ABHD17C: variants seen among roughly 807,000 people sequenced by gnomAD.
The protein encoded by ABHD17C is abhydrolase domain containing 17C, depalmitoylase.
ABHD17C carries 11 observed loss-of-function variants against 27.9 expected under a neutral mutation model. That is an observed-to-expected ratio of 0.39 (90% CI 0.25 to 0.65). The LOEUF (loss-of-function observed/expected upper bound fraction) is 0.65. ABHD17C is among the 30% of genes least tolerant of loss of function. ABHD17C has a pLI of 0.45. For missense variants in ABHD17C, 280 were observed against 470.2 expected, an observed-to-expected ratio of 0.60 and a Z score of 3.74; for synonymous variants, 233 against 209.1, an observed-to-expected ratio of 1.11 and a Z score of -0.98.
chr15:80,712,822 G>A (rs918235329), intron 1 of ABHD17C, among the ~76,000 whole-genome samples: 2 of 152,152 alleles, frequency 1.3e-5, no homozygotes, highest in African/African-American at 4.8e-5. Flanking sequence ...TAGTTTTACT[G>A]ACTGCCTATC....
Position 80,695,928 on chromosome 15 carries a change from G to T in ABHD17C, c.499G>T (p.Asp167Tyr). Residue 167 changes from aspartate (D) to tyrosine (Y), a missense_variant, in exon 1 of 3, where the codon GAC (aspartate) becomes TAC (tyrosine). Around this residue, in one of 2 missense-constraint regions of ABHD17C, gnomAD observed 206 missense variants for 394.7 expected, o/e 0.52. Coordinates refer to ENST00000258884, the MANE Select transcript of ABHD17C (RefSeq NM_021214.2). This position sits in a 1 kb window ranked among gnomAD's most constrained non-coding sequence, Gnocchi z 4.3. ...SRINCNIFSY[D>Y]YSGYGVSSGK... ...CATCAACTGCAACATCTTCTCCTACGACTACTCGGGATACGGCGTCAGCTC... is the reference window on the plus strand; with the variant it reads ...CATCAACTGCAACATCTTCTCCTACTACTACTCGGGATACGGCGTCAGCTC... 1.3e-6 allele frequency: 2 copies of T among 1,596,948 alleles called. No individual in the cohort carries two copies. The highest frequency in any genetic ancestry group is 1.7e-6 in the Non-Finnish European group (2 of 1,179,110).
chr15:80,728,250 CTGTA>C (rs1390274194), intron 1 of ABHD17C, among the ~76,000 whole-genome samples: 1 of 152,322 alleles, frequency 6.6e-6, no homozygotes, highest in African/African-American at 2.4e-5. Context: ...AGGAGAGTGA[CTGTA>C]TGAACACGTG....
chr15:80,718,672 A>G (rs557886445), intron 1 of ABHD17C, among the ~76,000 whole-genome samples: 242 of 152,256 alleles, frequency 1.6e-3, no homozygotes, highest in African/African-American at 5.6e-3. Flanking sequence ...TTGCCCATCA[A>G]TATCTCCTTG....
intron 1 of ABHD17C, among the ~76,000 whole-genome samples, chr15:80,737,513 G>A (rs1194813176): frequency 6.6e-6 from 1 of 152,174 alleles, no homozygotes; most frequent in African/African-American, 2.4e-5. Flanking sequence ...ACTGATCCCT[G>A]AGCCTGGAAA....
chr15:80,705,334 TGTGTGTG>T (rs1169325246), intron 1 of ABHD17C, among the ~76,000 whole-genome samples: 227 of 10,200 alleles, frequency 0.022, no homozygotes, highest in Admixed American at 0.046. Context: ...TCCTATGATT[TGTGTGTG>T]TGTGTGTGTG....
At chr15:80,712,018 C>A (rs1894734579) in intron 1 of ABHD17C, among the ~76,000 whole-genome samples, 1 of 152,170 alleles carries the variant, frequency 6.6e-6, no homozygotes, top group Non-Finnish European at 1.5e-5. Context: ...TGTCCATTAG[C>A]CCTCCTGCAC....
At chr15:80,735,481 A>G (rs958260175) in intron 1 of ABHD17C, among the ~76,000 whole-genome samples, 4 of 151,048 alleles carry the variant, frequency 2.6e-5, no homozygotes, top group African/African-American at 9.7e-5. Flanking sequence ...TCCCATTGCC[A>G]CTCTCACCAC....
intron 1 of ABHD17C, among the ~76,000 whole-genome samples, chr15:80,735,767 T>A (rs1278924769): frequency 6.6e-6 from 1 of 152,238 alleles, no homozygotes; most frequent in Non-Finnish European, 1.5e-5. Context: ...TTCTCTTTGC[T>A]GTACCTCAAT....
intron 1 of ABHD17C, among the ~76,000 whole-genome samples, chr15:80,719,451 C>A (rs1482048262): frequency 6.6e-6 from 1 of 152,212 alleles, no homozygotes. Context: ...TTCCTACTTG[C>A]TGTCAGCCTA....
intron 1 of ABHD17C, among the ~76,000 whole-genome samples, chr15:80,730,713 A>G (rs564255567): frequency 6.6e-6 from 1 of 152,320 alleles, no homozygotes; most frequent in African/African-American, 2.4e-5. Flanking sequence ...TTCAGAGTGC[A>G]CGATTTTACA....
chr15:80,739,811 G>A (rs1165512576), intron 1 of ABHD17C, among the ~76,000 whole-genome samples: 3 of 152,096 alleles, frequency 2.0e-5, no homozygotes, highest in Non-Finnish European at 4.4e-5. Flanking sequence ...TACAGCCCCT[G>A]TTGTTCTGTG....
chr15:80,695,804 G>A lies in ABHD17C; in HGVS notation c.375G>A (p.Val125=). The A allele has an allele frequency of 6.4e-7, 1 of 1,554,400 alleles. No homozygotes were observed. Among genetic ancestry groups the A allele is most frequent in the Non-Finnish European group, 8.6e-7 (1 of 1,159,410 alleles). The change falls in exon 1 of 3, where the codon GTG becomes GTA. Residue 125 remains valine, a synonymous_variant. Transcript: ENST00000258884. The surrounding 1 kb of genome is among the most constrained non-coding windows in gnomAD (Gnocchi z 4.3). ...ARDNRLGCMF[V]RCAPSSRYTL... ...ACAACCGGCTCGGCTGCATGTTCGT[G>A]CGCTGCGCGCCCTCCAGCCGCTACA...
At chr15:80,715,174 T>C (rs1235678571) in intron 1 of ABHD17C, among the ~76,000 whole-genome samples, 2 of 152,246 alleles carry the variant, frequency 1.3e-5, no homozygotes, top group African/African-American at 2.4e-5. Context: ...TCTGATGACA[T>C]AAAATTTCTC....
intron 1 of ABHD17C, among the ~76,000 whole-genome samples, chr15:80,728,665 T>C (rs1472624787): frequency 6.6e-6 from 1 of 152,210 alleles, no homozygotes; most frequent in Non-Finnish European, 1.5e-5. Flanking sequence ...TGAAACCAGG[T>C]AAATCACTAA....
intron 1 of ABHD17C, among the ~76,000 whole-genome samples, chr15:80,733,986 TA>T (rs1453411900): frequency 0.06 from 9,037 of 151,078 alleles, 333 homozygotes; most frequent in African/African-American, 0.098. Flanking sequence ...TTTATTTATT[TA>T]TTTATTTATT....
rs1010749879 is a variant in ABHD17C at position 80,740,639 on chromosome 15, G to A, written c.591-8874G>A. Among the ~76,000 whole-genome samples, 3 of 152,150 alleles carry A rather than the reference G, an allele frequency of 2.0e-5. No individual in the cohort carries two copies. In the South Asian group the frequency reaches 6.2e-4, roughly 32 times the overall value. ...AATGTGAGGGGGTACAGGTCATGAT[G>A]ATGGTTCTTCTACCGCCTCAGCATT... On this transcript the variant is annotated intron_variant, in intron 1 of 2. Transcript: ENST00000258884.
chr15:80,727,936 G>A (rs548255313), intron 1 of ABHD17C, among the ~76,000 whole-genome samples: 6 of 152,208 alleles, frequency 3.9e-5, no homozygotes, highest in East Asian at 1.9e-4. Context: ...GGGTGCAGCC[G>A]TCATTGGTGG....
chr15:80,723,138 ATGTGTGTG>A lies in ABHD17C; in HGVS notation c.591-26353_591-26346del, dbSNP rs57751486. Among the ~76,000 whole-genome samples the A allele has an allele frequency of 4.5e-3, 558 of 125,026 alleles. 1 individual carries two copies. Among genetic ancestry groups the A allele is most frequent in the Admixed American group, 7.7e-3 (105 of 13,584 alleles). The allele number at this position is 125,026 out of a possible 152,430, so 82.0% of individuals were successfully genotyped here. A position where few individuals can be genotyped will look rare whatever the true frequency, so the allele number is the denominator to read the frequency against. On this transcript the variant is annotated intron_variant, in intron 1 of 2. Coordinates refer to ENST00000258884, the MANE Select transcript of ABHD17C (RefSeq NM_021214.2). The stretch of plus-strand genomic sequence containing the variant: ...TTCCATTGTTTGTGTGTGTGTATAT[ATGTGTGTG>A]TGTGTGTGTGTGTGTGTGTGTATCA...
intron 1 of ABHD17C, among the ~76,000 whole-genome samples, chr15:80,731,450 G>A (rs1895055535): frequency 1.3e-5 from 2 of 152,110 alleles, no homozygotes; most frequent in Admixed American, 1.3e-4. Flanking sequence ...GTAATGGAAG[G>A]TCTTCGTGAC....
Sources: gnomAD v4.1 joint callset for allele counts (sites outside exome capture counted in the v4.1 genomes callset) on GRCh38, gnomAD v4.1.1 for gene constraint, gnomAD v4.1.1 regional missense constraint, Gnocchi (gnomAD v3.1) non-coding constraint, MANE v1.5 for transcripts, NCBI Gene and HGNC (gene_info 2026-07-23, HGNC 2026-07-21) for gene names.